ARHGAP22: variants seen among roughly 807,000 people sequenced by gnomAD.
The protein encoded by ARHGAP22 is Rho GTPase activating protein 22, also known as rho GTPase-activating protein 22.
In ARHGAP22, 48 loss-of-function variants were observed where a neutral mutation model predicts 59.1. The observed-to-expected ratio is 0.81, with a 90% CI of 0.64 to 1.03. ARHGAP22 has a LOEUF of 1.03. Among genes scored for constraint, ARHGAP22 ranks in the 50% least tolerant of loss-of-function variants. The pLI, the probability that ARHGAP22 is intolerant of heterozygous loss-of-function variation, is 0.00. For missense variants in ARHGAP22, 1,015 were observed against 958.7 expected, an observed-to-expected ratio of 1.06 and a Z score of -0.78; for synonymous variants, 445 against 416.4, an observed-to-expected ratio of 1.07 and a Z score of -0.84.
chr10:48,539,723 A>C (rs1360144095), intron 3 of ARHGAP22, among the ~76,000 whole-genome samples: 1 of 152,220 alleles, frequency 6.6e-6, no homozygotes, highest in Admixed American at 6.5e-5. Flanking sequence ...TTTCCATAGA[A>C]AATATTGATA....
downstream of ARHGAP22, chr10:48,445,694 T>A (rs2045311775): frequency 6.5e-6 from 1 of 152,820 alleles, no homozygotes; most frequent in South Asian, 2.1e-4. Flanking sequence ...AAGCACAGCA[T>A]CTGTGCTGGG....
At chr10:48,645,105 A>G (rs1160581926) in intron 1 of ARHGAP22, among the ~76,000 whole-genome samples, 1 of 152,156 alleles carries the variant, frequency 6.6e-6, no homozygotes. Context: ...AAAAAGACTT[A>G]TCAAAGAATA....
At chr10:48,450,066 C>T (rs2045749868) in intron 9 of ARHGAP22, among the ~76,000 whole-genome samples, 195 bp downstream of exon 9, 2 of 145,186 alleles carry the variant, frequency 1.4e-5, no homozygotes, top group Non-Finnish European at 2.9e-5. Flanking sequence ...GCGTGCCAGA[C>T]TGACTGCGTG....
the ARHGAP22 span, chr10:48,439,148 C>T: frequency 6.6e-6 from 1 of 151,852 alleles, no homozygotes; most frequent in Non-Finnish European, 1.5e-5. Flanking sequence ...CTCCATTCCT[C>T]TCCTTCCCTG....
chr10:48,455,599 G>C (rs1589450740), intron 5 of ARHGAP22, among the ~76,000 whole-genome samples: 1 of 152,218 alleles, frequency 6.6e-6, no homozygotes, highest in East Asian at 1.9e-4. Flanking sequence ...ATGGGCCAGG[G>C]AGCCCCTTCC....
chr10:48,613,552 G>A (rs919397461), intron 1 of ARHGAP22, among the ~76,000 whole-genome samples: 6 of 152,002 alleles, frequency 3.9e-5, no homozygotes, highest in African/African-American at 9.7e-5. Flanking sequence ...ATGCCCTTGT[G>A]GTATATGACA....
chr10:48,563,433 G>A (rs2057839013), intron 2 of ARHGAP22, among the ~76,000 whole-genome samples: 3 of 152,028 alleles, frequency 2.0e-5, no homozygotes, highest in South Asian at 2.1e-4. Context: ...CTCGTGATCC[G>A]CCCGTCTCGG....
At position 48,555,485 on chromosome 10, in the gene ARHGAP22, C is replaced by A. The variant is rs765211171; in HGVS notation, c.300G>T (p.Lys100Asn). The A allele has an allele frequency of 6.2e-7, 1 of 1,614,202 alleles. No homozygotes were observed. The highest frequency in any genetic ancestry group is 2.2e-5 in the East Asian group (1 of 44,884). The change falls in exon 3 of 10, where the codon AAG becomes AAT. Residue 100 changes from lysine to asparagine, a missense_variant. Coordinates refer to ENST00000249601, the MANE Select transcript of ARHGAP22 (RefSeq NM_021226.4). ...TACCTGGGCTGATCTCAAAGAGGTG[C>A]TTCCCTGGGTCCTCGGGGCCAGGAG... ...ELPPGPEDPG[K>N]HLFEISPGGA...
At chr10:48,514,667 T>C (rs762323366) in intron 3 of ARHGAP22, among the ~76,000 whole-genome samples, 6 of 152,156 alleles carry the variant, frequency 3.9e-5, no homozygotes, top group Non-Finnish European at 8.8e-5. Context: ...AGAGCACATA[T>C]ATAGTTAAAA....
At chr10:48,605,330 A>ACC (rs111746464), upstream of ARHGAP22, among the ~76,000 whole-genome samples, 8 of 91,416 alleles carry the variant, frequency 8.8e-5, no homozygotes, top group African/African-American at 1.4e-4. Context: ...GGTAGCCGAG[A>ACC]CCCCCCCCCC....
At chr10:48,455,330 G>T (rs1426284885) in intron 5 of ARHGAP22, among the ~76,000 whole-genome samples, 196 bp from the exon 6 acceptor site, 1 of 152,198 alleles carries the variant, frequency 6.6e-6, no homozygotes. Context: ...ATAGAGCTGG[G>T]GCAGGGACGA....
At chr10:48,553,417 G>T (rs747193511) in intron 3 of ARHGAP22, among the ~76,000 whole-genome samples, 1 of 152,256 alleles carries the variant, frequency 6.6e-6, no homozygotes, top group Non-Finnish European at 1.5e-5. Flanking sequence ...GCCCAGGTGG[G>T]GAAAATGCTA....
At chr10:48,561,280 TG>T (rs1401443740) in intron 2 of ARHGAP22, among the ~76,000 whole-genome samples, 5 of 152,342 alleles carry the variant, frequency 3.3e-5, no homozygotes, top group African/African-American at 1.2e-4. Context: ...CAACAAATGA[TG>T]GTTGAGCAAC....
chr10:48,604,698 T>C (rs1280311092), intron 1 of ARHGAP22, 65 bp downstream of exon 1: 2 of 1,613,396 alleles, frequency 1.2e-6, no homozygotes, highest in Admixed American at 1.7e-5. Flanking sequence ...GCTGGCCAAG[T>C]GTCCGCGCAC....
At chr10:48,614,271 G>A (rs765857126) in intron 1 of ARHGAP22, among the ~76,000 whole-genome samples, 1 of 152,246 alleles carries the variant, frequency 6.6e-6, no homozygotes, top group Admixed American at 6.5e-5. Context: ...GCTGATGAGA[G>A]AGTTAGACAG....
chr10:48,555,414 TG>T, intron 3 of ARHGAP22, 48 bp downstream of exon 3: 1 of 1,577,310 alleles, frequency 6.3e-7, no homozygotes, highest in Non-Finnish European at 8.7e-7. Context: ...GCCAGGGGCA[TG>T]GCAACACCCC....
intron 3 of ARHGAP22, among the ~76,000 whole-genome samples, chr10:48,509,782 C>T (rs2052563471): frequency 6.6e-6 from 1 of 152,164 alleles, no homozygotes; most frequent in Non-Finnish European, 1.5e-5. Context: ...CTCCGGATTT[C>T]CAGGGACTTC....
intron 2 of ARHGAP22, among the ~76,000 whole-genome samples, chr10:48,572,463 G>A (rs1201649356): frequency 1.3e-5 from 2 of 152,222 alleles, no homozygotes; most frequent in Non-Finnish European, 2.9e-5. Context: ...CAGTTAACAA[G>A]AGGCTGCACA....
Position 48,450,798 on chromosome 10 carries a change from C to A in ARHGAP22, c.1331G>T (p.Gly444Val). 1.9e-6 allele frequency: 3 copies of A among 1,574,110 alleles called. No individual in the cohort carries two copies. Among genetic ancestry groups the A allele is most frequent in the East Asian group, 2.3e-5 (1 of 43,208 alleles). The change falls in exon 9 of 10, where the codon GGG becomes GTG. Residue 444 changes from glycine (G) to valine (V), a missense_variant. Coordinates refer to ENST00000249601, the MANE Select transcript of ARHGAP22 (RefSeq NM_021226.4). The part of the protein sequence containing the change: ...QPRSLSGSPK[G>V]GGSSLEVPII... ...GGGCACCTCCAGGGATGAGCCGCCC[C>A]CCTTCGGGCTTCCCGATAGGGACCT...
Sources: allele counts gnomAD v4.1 joint callset (sites outside exome capture counted in the v4.1 genomes callset), GRCh38; gene constraint gnomAD v4.1.1; transcripts MANE v1.5; gene names NCBI Gene and HGNC (gene_info 2026-07-23, HGNC 2026-07-21).